The following PALM2AKAP2 variants were observed in gnomAD, a reference collection of about 807,000 sequenced individuals.
PALM2AKAP2 encodes the protein PALM2-AKAP2 fusion protein.
A neutral mutation model predicts 71.5 loss-of-function variants in PALM2AKAP2; 37 were observed. The observed-to-expected ratio is 0.52, with a 90% confidence interval of 0.40 to 0.68. The LOEUF (loss-of-function observed/expected upper bound fraction) is 0.68. Ranked by LOEUF, PALM2AKAP2 falls within the 30% of genes least tolerant of loss-of-function variation. PALM2AKAP2 has a pLI of 0.00. For missense variants in PALM2AKAP2, 1,224 were observed against 1,191.8 expected, an observed-to-expected ratio of 1.03 and a Z score of -0.40; for synonymous variants, 468 against 478.8, an observed-to-expected ratio of 0.98 and a Z score of 0.29.
chr9:110,008,775 T>A (rs1351616918), intron 6 of PALM2AKAP2, among the ~76,000 whole-genome samples: 1 of 152,132 alleles, frequency 6.6e-6, no homozygotes, highest in South Asian at 2.1e-4. Flanking sequence ...GCTAACAGAA[T>A]TGCCACTATC....
At chr9:109,887,706 A>G (rs1246061040) in intron 3 of PALM2AKAP2, among the ~76,000 whole-genome samples, 2 of 152,130 alleles carry the variant, frequency 1.3e-5, no homozygotes, top group East Asian at 1.9e-4. Flanking sequence ...AAAAAATTCA[A>G]TGGAAGGACA....
At chr9:109,936,842 C>T (rs941111574) in intron 6 of PALM2AKAP2, among the ~76,000 whole-genome samples, 1 of 152,194 alleles carries the variant, frequency 6.6e-6, no homozygotes, top group African/African-American at 2.4e-5. Context: ...GACAGCGGAA[C>T]ATGTGGTGCT....
intron 1 of PALM2AKAP2, among the ~76,000 whole-genome samples, chr9:109,759,739 C>T (rs1029419769): frequency 1.3e-5 from 2 of 152,088 alleles, no homozygotes; most frequent in Admixed American, 6.6e-5. Context: ...GAACTTTGTA[C>T]CTCTCTTAGG....
chr9:110,155,007 T>C (rs1036021058), intron 2 of PALM2AKAP2, among the ~76,000 whole-genome samples: 2 of 152,224 alleles, frequency 1.3e-5, no homozygotes, highest in African/African-American at 2.4e-5. Context: ...GTCAGTCACG[T>C]AGCCAAGTAC....
chr9:110,053,405 G>A (rs1833751998), intron 1 of PALM2AKAP2, among the ~76,000 whole-genome samples: 1 of 151,636 alleles, frequency 6.6e-6, no homozygotes, highest in Non-Finnish European at 1.5e-5. Context: ...GCAGGTGCCT[G>A]TAATCCCAGC....
intron 7 of PALM2AKAP2, among the ~76,000 whole-genome samples, chr9:110,043,040 C>T (rs181450771): frequency 4.1e-4 from 62 of 152,262 alleles, no homozygotes; most frequent in Non-Finnish European, 7.3e-4. Context: ...ATCCCTACTC[C>T]TCTGCCTCCC....
At chr9:109,903,147 G>A (rs1234213849) in intron 3 of PALM2AKAP2, among the ~76,000 whole-genome samples, 1 of 152,162 alleles carries the variant, frequency 6.6e-6, no homozygotes, top group Non-Finnish European at 1.5e-5. Context: ...ACATGCCGGA[G>A]AAGCATGGTG....
At chr9:110,136,867 G>A in exon 2 of PALM2AKAP2, 1 of 1,614,174 alleles carries the variant, frequency 6.2e-7, no homozygotes, top group Non-Finnish European at 8.5e-7. Context: ...GAAAAGTGAG[G>A]CCTTCAGAGG....
chr9:109,912,256 T>C (rs1038368636), intron 3 of PALM2AKAP2, among the ~76,000 whole-genome samples: 1 of 152,014 alleles, frequency 6.6e-6, no homozygotes, highest in Non-Finnish European at 1.5e-5. Flanking sequence ...TTTGGAATTC[T>C]TAAAGGGACC....
At chr9:109,772,109 A>T (rs80171473) in intron 1 of PALM2AKAP2, 1 of 152,308 alleles carries the variant, frequency 6.6e-6, no homozygotes, top group Non-Finnish European at 1.5e-5. Context: ...AGCTCATGGG[A>T]GTTATAGAAC....
At chr9:110,149,263 T>C (rs1836253326) in intron 2 of PALM2AKAP2, among the ~76,000 whole-genome samples, 1 of 152,256 alleles carries the variant, frequency 6.6e-6, no homozygotes, top group African/African-American at 2.4e-5. Flanking sequence ...CTTGCAATGC[T>C]ACAGTCTTGT....
intron 6 of PALM2AKAP2, among the ~76,000 whole-genome samples, chr9:109,933,010 C>T (rs1353963942): frequency 2.6e-5 from 4 of 152,104 alleles, no homozygotes; most frequent in African/African-American, 9.7e-5. Context: ...AAATAAAAGG[C>T]AAGTAAGAAT....
At chr9:109,780,630 G>A in intron 1 of PALM2AKAP2, 97 bp downstream of exon 1, 2 of 1,531,028 alleles carry the variant, frequency 1.3e-6, no homozygotes, top group Non-Finnish European at 1.8e-6. Context: ...CACAGTAGCC[G>A]CAGGTCATAT....
At position 109,808,195 on chromosome 9, in the gene PALM2AKAP2, A is replaced by C. The variant is rs566756638; in HGVS notation, c.45+27662A>C. On this transcript the variant is annotated intron_variant, in intron 1 of 9. Coordinates refer to the PALM2AKAP2 transcript ENST00000302798. ...GAACTGGTGAACAGGGAGAGGCTGGAACAGTTTGGAGTGCTCAGAAGAAGT... is the reference window on the plus strand; with the variant it reads ...GAACTGGTGAACAGGGAGAGGCTGGCACAGTTTGGAGTGCTCAGAAGAAGT... Among the ~76,000 whole-genome samples the C allele has an allele frequency of 3.9e-4, 59 of 152,336 alleles. 1 individual carries two copies. The highest frequency in any genetic ancestry group is 1.3e-3 in the African/African-American group (56 of 41,580).
chr9:110,074,013 A>G lies in PALM2AKAP2; in HGVS notation c.156+25158A>G, dbSNP rs149932562. Among the ~76,000 whole-genome samples, 334 of 152,292 alleles carry G rather than the reference A, an allele frequency of 2.2e-3. 2 individuals carry two copies. Among genetic ancestry groups the G allele is most frequent in the African/African-American group, 7.7e-3 (320 of 41,570 alleles). ...CCCTAATCAAATAATCAAATCTAAC[A>G]CCATTAGTAATTGGACAAATTGGCA... is the stretch of plus-strand genomic sequence containing the variant. On this transcript the variant is annotated intron_variant, in intron 1 of 3. Coordinates refer to ENST00000374525, the Ensembl canonical transcript of PALM2AKAP2.
chr9:109,996,111 G>A (rs2132256404), intron 6 of PALM2AKAP2, among the ~76,000 whole-genome samples: 1 of 152,296 alleles, frequency 6.6e-6, no homozygotes, highest in South Asian at 2.1e-4. Context: ...TTAACAACTA[G>A]TTGTTTAATA....
intron 1 of PALM2AKAP2, among the ~76,000 whole-genome samples, chr9:109,641,864 T>C (rs1827074676): frequency 6.6e-6 from 1 of 152,212 alleles, no homozygotes; most frequent in South Asian, 2.1e-4. Context: ...TTTATCCCTC[T>C]GCGTATCTGA....
At chr9:110,154,835 C>T (rs1247122086) in intron 2 of PALM2AKAP2, among the ~76,000 whole-genome samples, 1 of 152,126 alleles carries the variant, frequency 6.6e-6, no homozygotes, top group South Asian at 2.1e-4. Context: ...AAGGGTGTAT[C>T]CTGCCAAACA....
At chr9:109,952,802 A>G (rs995031331) in intron 6 of PALM2AKAP2, among the ~76,000 whole-genome samples, 1 of 152,240 alleles carries the variant, frequency 6.6e-6, no homozygotes, top group African/African-American at 2.4e-5. Context: ...CACATCCCAC[A>G]GTTCTAGAGC....
Sources: gnomAD v4.1 joint callset for allele counts (sites outside exome capture counted in the v4.1 genomes callset) on GRCh38, gnomAD v4.1.1 for gene constraint, MANE v1.5 for transcripts, NCBI Gene and HGNC (gene_info 2026-07-23, HGNC 2026-07-21) for gene names.